NNT: variants seen among roughly 807,000 people sequenced by gnomAD.
The protein encoded by NNT is NAD(P) transhydrogenase, mitochondrial.
NNT carries 50 observed loss-of-function variants against 104.8 expected under a neutral mutation model. The ratio of observed to expected loss-of-function variants is 0.48; its 90% confidence interval spans 0.38 to 0.60. The LOEUF (loss-of-function observed/expected upper bound fraction) is 0.60, where lower values mean the gene tolerates loss of function less well. Ranked by LOEUF, NNT falls within the 20% of genes least tolerant of loss-of-function variation. The pLI, the probability that NNT is intolerant of heterozygous loss-of-function variation, is 0.00. For synonymous variants in NNT, 461 were observed against 490.4 expected (o/e 0.94, Z 0.79); for missense variants, 1,131 against 1,330.7 (o/e 0.85, Z 2.33).
chr5:43,619,949 A>C (rs1303804407), intron 5 of NNT, among the ~76,000 whole-genome samples: 1 of 151,926 alleles, frequency 6.6e-6, no homozygotes, highest in Non-Finnish European at 1.5e-5. Flanking sequence ...AGAGAGAGAA[A>C]CTGAGGGAGC....
At chr5:43,617,372 T>C (rs1749846733) in intron 4 of NNT, among the ~76,000 whole-genome samples, 1 of 152,180 alleles carries the variant, frequency 6.6e-6, no homozygotes, top group Non-Finnish European at 1.5e-5. Context: ...ACATTCCTAC[T>C]CTCCATCTCA....
chr5:43,687,434 G>T (rs1466854896), intron 19 of NNT, among the ~76,000 whole-genome samples: 1 of 152,096 alleles, frequency 6.6e-6, no homozygotes, highest in East Asian at 1.9e-4. Context: ...CATCAGTTCC[G>T]GGAAATTGCT....
At chr5:43,607,957 G>A (rs1333722699) in intron 1 of NNT, among the ~76,000 whole-genome samples, 1 of 150,342 alleles carries the variant, frequency 6.7e-6, no homozygotes, top group African/African-American at 2.5e-5. Flanking sequence ...TTGAGACGGT[G>A]TCTCACTCTG....
rs1743079292 is a variant in NNT at position 43,705,816 on chromosome 5, A to C, written c.*1412A>C. 1 of 151,986 alleles carries C rather than the reference A, an allele frequency of 6.6e-6. No individual in the cohort carries two copies. Among genetic ancestry groups the C allele is most frequent in the Admixed American group, 6.6e-5 (1 of 15,252 alleles). 9.4% of individuals were successfully genotyped at this position (151,986 alleles called of 1,614,324 possible). ...GCGTTTGTGTGTTAAAGCAGAAAAG[A>C]CTTTTTTAAAAGTTTTAAGTGATAA... On this transcript the variant is annotated 3_prime_UTR_variant, in exon 22 of 22. Transcript: ENST00000344920.
chr5:43,704,285 G>C lies in NNT; in HGVS notation c.3142G>C (p.Gly1048Arg). The C allele has an allele frequency of 6.3e-7, 1 of 1,598,130 alleles. No homozygotes were observed. The highest frequency in any genetic ancestry group is 2.3e-5 in the East Asian group (1 of 44,416). Residue 1048 changes from glycine (G) to arginine (R), a missense_variant, in exon 22 of 22, where the codon GGC becomes CGC. Transcript: ENST00000344920. ...TGTTATGAAGAGGTCTTTGGGTGTT[G>C]GCTATGCTGCAGTGGACAATCCAAT... ...VIVMKRSLGV[G>R]YAAVDNPIFY... is the part of the protein sequence containing the mutation.
At chr5:43,618,483 A>G (rs1428156201) in intron 4 of NNT, among the ~76,000 whole-genome samples, 3 of 152,146 alleles carry the variant, frequency 2.0e-5, no homozygotes, top group Non-Finnish European at 2.9e-5. Flanking sequence ...CCTATGGCTG[A>G]CCTAATTTTT....
rs184970029 is a variant in NNT at position 43,612,825 on chromosome 5, C to T, written c.152-83C>T. The stretch of plus-strand genomic sequence containing the variant: ...ATTTTGAAGAAAAGATTGCTCCTTT[C>T]AATTTTCTGAAATCTGTTTTTAAAC... On this transcript the variant is annotated intron_variant, in intron 2 of 21. Transcript: ENST00000344920. The T allele has an allele frequency of 6.1e-6, 6 of 986,330 alleles. No homozygotes were observed. In the Admixed American group the frequency reaches 1.3e-4, roughly 21 times the overall value. The allele number at this position is 986,330 out of a possible 1,614,324, so 61.1% of individuals were successfully genotyped here.
chr5:43,700,028 A>G (rs1177107969), intron 19 of NNT, 91 bp from the exon 20 acceptor site: 13 of 938,158 alleles, frequency 1.4e-5, no homozygotes, highest in Non-Finnish European at 2.0e-5. Context: ...AGGTGCCAAG[A>G]ACAAAGTGTG....
At chr5:43,686,272 A>T (rs536201906) in intron 19 of NNT, among the ~76,000 whole-genome samples, 19 of 151,692 alleles carry the variant, frequency 1.3e-4, no homozygotes, top group African/African-American at 4.6e-4. Flanking sequence ...TATTGAAGAG[A>T]TTATCCTAAT....
rs751814421 is a variant in NNT at position 43,609,183 on chromosome 5, A to C, written c.-13A>C. ...GAAACTGGGGAGTCAGAAAATTGGGAACTCATATCAACATGGCAAACCTAT... is the reference window on the plus strand; with the variant it reads ...GAAACTGGGGAGTCAGAAAATTGGGCACTCATATCAACATGGCAAACCTAT... On this transcript the variant is annotated 5_prime_UTR_variant, in exon 2 of 22. Coordinates refer to ENST00000344920, the MANE Select transcript of NNT (RefSeq NM_182977.3). The C allele has an allele frequency of 1.3e-6, 2 of 1,598,352 alleles. No individual in the cohort carries two copies. Among genetic ancestry groups the C allele is most frequent in the Non-Finnish European group, 1.7e-6 (2 of 1,172,198 alleles).
chr5:43,607,842 G>GAGCATGATACAGCAGATAC (rs1749306555), intron 1 of NNT, among the ~76,000 whole-genome samples: 1 of 152,230 alleles, frequency 6.6e-6, no homozygotes, highest in Non-Finnish European at 1.5e-5. Context: ...TCAGTCCCGT[G>GAGCATGATACAGCAGATAC]AGGGTCCACA....
intron 21 of NNT, 148 bp downstream of exon 21, chr5:43,702,884 C>T (rs1356147446): frequency 1.8e-6 from 1 of 560,598 alleles, no homozygotes; most frequent in Non-Finnish European, 3.1e-6. Flanking sequence ...TTTCCTATAT[C>T]CAGCTTCTGT....
intron 19 of NNT, among the ~76,000 whole-genome samples, chr5:43,694,234 G>C (rs1303019219): frequency 6.6e-6 from 1 of 152,176 alleles, no homozygotes; most frequent in African/African-American, 2.4e-5. Flanking sequence ...GACAGGGATG[G>C]TTTGACTTCC....
At chr5:43,660,952 A>T (rs951122662) in intron 17 of NNT, among the ~76,000 whole-genome samples, 6 of 152,304 alleles carry the variant, frequency 3.9e-5, no homozygotes, top group Non-Finnish European at 5.9e-5. Context: ...ATAATATTTT[A>T]AAAAACTCGC....
chr5:43,624,762 C>T (rs1230040795), intron 6 of NNT, among the ~76,000 whole-genome samples: 2 of 152,130 alleles, frequency 1.3e-5, no homozygotes, highest in African/African-American at 2.4e-5. Context: ...ACACTAGACA[C>T]TGGATTTTAT....
At chr5:43,676,031 A>G (rs972527771) in intron 18 of NNT, among the ~76,000 whole-genome samples, 4 of 152,174 alleles carry the variant, frequency 2.6e-5, no homozygotes, top group African/African-American at 9.6e-5. Flanking sequence ...CACTCATTAG[A>G]GTTGCTTAAT....
intron 17 of NNT, among the ~76,000 whole-genome samples, chr5:43,674,538 A>G (rs960615642): frequency 6.6e-5 from 10 of 152,250 alleles, no homozygotes; most frequent in African/African-American, 2.2e-4. Flanking sequence ...TTATTACAGC[A>G]CTTAAAATAG....
chr5:43,634,737 A>T (rs1485481640), intron 7 of NNT, among the ~76,000 whole-genome samples: 1 of 152,190 alleles, frequency 6.6e-6, no homozygotes, highest in Non-Finnish European at 1.5e-5. Context: ...ACCTCTTCGT[A>T]GCTTTCAATG....
At chr5:43,682,208 C>CTT (rs71610326) in intron 19 of NNT, among the ~76,000 whole-genome samples, 213 of 100,224 alleles carry the variant, frequency 2.1e-3, no homozygotes, top group African/African-American at 4.2e-3. Flanking sequence ...TAACTGGATT[C>CTT]TTTTTTTTTT....
Sources: allele counts gnomAD v4.1 joint callset (sites outside exome capture counted in the v4.1 genomes callset), GRCh38; gene constraint gnomAD v4.1.1; transcripts MANE v1.5; gene names NCBI Gene and HGNC (gene_info 2026-07-23, HGNC 2026-07-21).